The following RARRES1 variants were observed in gnomAD, a reference collection of about 807,000 sequenced individuals.
RARRES1 encodes the protein retinoic acid receptor responder protein 1.
Under a neutral mutation model 30.6 loss-of-function variants are expected in RARRES1, and 34 were observed. That is an observed-to-expected ratio of 1.11 (90% CI 0.84 to 1.48). The LOEUF (loss-of-function observed/expected upper bound fraction) is 1.48. Ranked by LOEUF, RARRES1 falls within the 40% of genes most tolerant of loss-of-function variation. The pLI, the probability that RARRES1 is intolerant of heterozygous loss-of-function variation, is 0.00. For missense variants in RARRES1, 373 were observed against 386.5 expected (o/e 0.97, Z 0.29); for synonymous variants, 153 against 155.5 (o/e 0.98, Z 0.12).
intron 1 of RARRES1, among the ~76,000 whole-genome samples, chr3:158,714,095 G>A (rs931723951): frequency 6.6e-6 from 1 of 152,086 alleles, no homozygotes; most frequent in Non-Finnish European, 1.5e-5. Context: ...AAATGGTTGC[G>A]TTCTGACTGG....
At chr3:158,718,177 A>G (rs1727386490) in intron 1 of RARRES1, among the ~76,000 whole-genome samples, 1 of 152,000 alleles carries the variant, frequency 6.6e-6, no homozygotes, top group Non-Finnish European at 1.5e-5. Context: ...ATGGAGTTTC[A>G]CCATGTTAGC....
intron 4 of RARRES1, among the ~76,000 whole-genome samples, chr3:158,699,908 G>C (rs948970569): frequency 8.5e-5 from 13 of 152,276 alleles, no homozygotes; most frequent in Non-Finnish European, 1.8e-4. Flanking sequence ...TTTGGTGGCT[G>C]TCTTGACCTT....
At chr3:158,724,157 A>T (rs937582754) in intron 1 of RARRES1, among the ~76,000 whole-genome samples, 2 of 152,106 alleles carry the variant, frequency 1.3e-5, no homozygotes, top group African/African-American at 2.4e-5. Flanking sequence ...GGTCAGCAAG[A>T]CAGGAGGTGG....
rs1432863168 is a variant in RARRES1 at position 158,710,795 on chromosome 3, G to A, written c.478C>T (p.Leu160=). The change falls in exon 3 of 6, where the codon CTG becomes TTG. Residue 160 remains leucine (L), a synonymous_variant. Coordinates refer to ENST00000237696, the MANE Select transcript of RARRES1 (RefSeq NM_206963.2). Reference sequence around the variant, plus strand: ...AGTTGCTTCATTTGCTTGTAAAGCAGGTAATCCTCTTGTTGTCTTTTCTTT... The same window carrying A: ...AGTTGCTTCATTTGCTTGTAAAGCAAGTAATCCTCTTGTTGTCTTTTCTTT... The part of the protein sequence containing the change: ...EKKKRQQEDY[L]LYKQMKQLKN... The A allele has an allele frequency of 5.6e-6, 9 of 1,613,572 alleles. No individual in the cohort carries two copies. The highest frequency in any genetic ancestry group is 5.9e-6 in the Non-Finnish European group (7 of 1,179,714).
chr3:158,730,195 C>T (rs1727826339), intron 1 of RARRES1, among the ~76,000 whole-genome samples: 1 of 151,874 alleles, frequency 6.6e-6, no homozygotes, highest in Admixed American at 6.6e-5. Context: ...TGGCACGTGC[C>T]TGTAATCCCA....
At chr3:158,714,052 C>T (rs1326476137) in intron 1 of RARRES1, among the ~76,000 whole-genome samples, 193 bp from the exon 2 acceptor site, 3 of 152,062 alleles carry the variant, frequency 2.0e-5, no homozygotes, top group South Asian at 2.1e-4. Context: ...GCTAGTTTGA[C>T]ACCTACTCAC....
In RARRES1 at chr3:158,697,518, GAAAC is replaced by G; in HGVS notation, c.*156_*159del. On this transcript the variant is annotated 3_prime_UTR_variant, in exon 6 of 6. Transcript: ENST00000237696. ...AGAGTTAAAAGCTAAAGCAGACTGA[GAAAC>G]AAAAAACCAACATCTTTGCATTTCT... is the stretch of plus-strand genomic sequence containing the variant. 2.5e-6 allele frequency: 2 copies of G among 785,414 alleles called. No individual in the cohort carries two copies. Among genetic ancestry groups the G allele is most frequent in the Non-Finnish European group, 3.9e-6 (2 of 510,314 alleles). The allele number at this position is 785,414 out of a possible 1,614,324, so 48.7% of individuals were successfully genotyped here.
At chr3:158,712,466 A>G (rs1727168458) in intron 2 of RARRES1, among the ~76,000 whole-genome samples, 1 of 152,190 alleles carries the variant, frequency 6.6e-6, no homozygotes, top group Admixed American at 6.5e-5. Flanking sequence ...ACCTCAAAAA[A>G]CTGAGAAACA....
chr3:158,701,423 T>A (rs1576807424), intron 4 of RARRES1, among the ~76,000 whole-genome samples: 1 of 152,166 alleles, frequency 6.6e-6, no homozygotes, highest in East Asian at 1.9e-4. Context: ...TTTATAAGCT[T>A]GTACTTCTTT....
intron 1 of RARRES1, among the ~76,000 whole-genome samples, chr3:158,730,817 CTT>C (rs1727859771): frequency 6.6e-6 from 1 of 150,782 alleles, no homozygotes. Flanking sequence ...GAGTTTTGCT[CTT>C]GTTACCCAGG....
intron 4 of RARRES1, among the ~76,000 whole-genome samples, chr3:158,702,408 A>C (rs545392936): frequency 6.6e-6 from 1 of 152,142 alleles, no homozygotes; most frequent in Middle Eastern, 3.2e-3. Flanking sequence ...TGGTTGAGAG[A>C]TGTTAGTGGA....
Position 158,704,874 on chromosome 3 carries a change from G to A in RARRES1, c.589C>T (p.Leu197Phe), listed in dbSNP as rs1214518969. The part of the protein sequence containing the change: ...SLRLIWDLAF[L>F]GSSYVMWEMT... Reference sequence around the variant, plus strand: ...TCCCACATCACGTAAGAGCTTCCAAGGAAAGCCAAATCCCAGATGAGTCTC... The same window carrying A: ...TCCCACATCACGTAAGAGCTTCCAAAGAAAGCCAAATCCCAGATGAGTCTC... Residue 197 changes from leucine to phenylalanine, a missense_variant, in exon 4 of 6, where the codon CTT becomes TTT. By Grantham distance (22) the Leu-to-Phe change is conservative. Coordinates refer to ENST00000237696, the MANE Select transcript of RARRES1 (RefSeq NM_206963.2). 1.2e-6 allele frequency: 2 copies of A among 1,613,840 alleles called. No individual in the cohort carries two copies. The highest frequency in any genetic ancestry group is 3.3e-5 in the Admixed American group (2 of 59,990).
At chr3:158,701,914 T>C (rs1322650059) in intron 4 of RARRES1, among the ~76,000 whole-genome samples, 2 of 152,200 alleles carry the variant, frequency 1.3e-5, no homozygotes, top group East Asian at 1.9e-4. Flanking sequence ...ATGATTTGCC[T>C]TGGATGACTC....
intron 4 of RARRES1, among the ~76,000 whole-genome samples, chr3:158,703,802 CTTCT>C (rs1341723665): frequency 6.6e-6 from 1 of 152,170 alleles, no homozygotes; most frequent in Non-Finnish European, 1.5e-5. Context: ...CATAACTTAC[CTTCT>C]TTGTCTACAC....
intron 1 of RARRES1, among the ~76,000 whole-genome samples, chr3:158,715,208 C>T (rs1218958222): frequency 6.6e-6 from 1 of 152,218 alleles, no homozygotes; most frequent in Non-Finnish European, 1.5e-5. Flanking sequence ...CTATGCCAGG[C>T]CTTGGGGAGA....
chr3:158,697,660 A>G lies in RARRES1; in HGVS notation c.*18T>C, dbSNP rs1471376937. 1.3e-6 allele frequency: 2 copies of G among 1,596,458 alleles called. No homozygotes were observed. Among genetic ancestry groups the G allele is most frequent in the Admixed American group, 3.4e-5 (2 of 58,566 alleles). ...ATAGTCACTTGTTTAGAAGTCGGAA[A>G]AAGATCATTTTTTCTTTTTAGAAAT... On this transcript the variant is annotated 3_prime_UTR_variant, in exon 6 of 6. Transcript: ENST00000237696.
At position 158,732,446 on chromosome 3, in the gene RARRES1, A is replaced by G; in HGVS notation, c.-31T>C. ...CAGGAAAGTTGGCTCGGCACCCGAC[A>G]GACACGGGCTCGGAGCGGGCAGTGC... On this transcript the variant is annotated 5_prime_UTR_variant, in exon 1 of 6. Coordinates refer to ENST00000237696, the MANE Select transcript of RARRES1 (RefSeq NM_206963.2). 1 of 1,517,508 alleles carries G rather than the reference A, an allele frequency of 6.6e-7. No individual in the cohort carries two copies. The highest frequency in any genetic ancestry group is 8.8e-7 in the Non-Finnish European group (1 of 1,137,720). 94.0% of individuals were successfully genotyped at this position (1,517,508 alleles called of 1,614,324 possible).
At chr3:158,721,149 GGTA>G (rs563655922) in intron 1 of RARRES1, among the ~76,000 whole-genome samples, 246 of 152,330 alleles carry the variant, frequency 1.6e-3, no homozygotes, top group African/African-American at 5.6e-3. Flanking sequence ...GCTCTGGAAA[GGTA>G]GTGTGTGTGC....
intron 1 of RARRES1, among the ~76,000 whole-genome samples, chr3:158,730,032 G>A (rs1001445496): frequency 1.3e-5 from 2 of 152,104 alleles, no homozygotes; most frequent in African/African-American, 2.4e-5. Flanking sequence ...TAAGACAGGT[G>A]ACAAGATGGC....
Sources: allele counts gnomAD v4.1 joint callset (sites outside exome capture counted in the v4.1 genomes callset), GRCh38; gene constraint gnomAD v4.1.1; transcripts MANE v1.5; gene names NCBI Gene and HGNC (gene_info 2026-07-23, HGNC 2026-07-21).